The following PPP2R2B variants were observed in gnomAD, a reference collection of about 807,000 sequenced individuals.
PPP2R2B encodes protein phosphatase 2 regulatory subunit Bbeta, also known as serine/threonine-protein phosphatase 2A 55 kDa regulatory subunit B beta isoform.
A neutral mutation model predicts 46.0 loss-of-function variants in PPP2R2B; 5 were observed. The ratio of observed to expected loss-of-function variants is 0.11; its 90% CI spans 0.06 to 0.23. The LOEUF (loss-of-function observed/expected upper bound fraction) is 0.23, where lower values mean the gene tolerates loss of function less well. PPP2R2B is among the 10% of genes least tolerant of loss of function. PPP2R2B has a pLI of 1.00. For synonymous variants in PPP2R2B, 215 were observed against 206.7 expected, an observed-to-expected ratio of 1.04 and a Z score of -0.34; for missense variants, 367 against 575.0, an observed-to-expected ratio of 0.64 and a Z score of 3.70.
chr5:146,713,028 T>C lies in PPP2R2B; in HGVS notation c.71-11886A>G, dbSNP rs545948874. ...GTTGTGGAGAAAAGAAAATCATCAA[T>C]GAACATATTAAATTACATTGTATGT... On this transcript the variant is annotated intron_variant, in intron 2 of 9. Transcript: ENST00000394411. Among the ~76,000 whole-genome samples the C allele has an allele frequency of 3.9e-5, 6 of 152,298 alleles. No individual in the cohort carries two copies. The South Asian group carries it at 1.2e-3, about 32-fold the overall frequency.
intron 8 of PPP2R2B, among the ~76,000 whole-genome samples, chr5:146,598,212 A>G (rs1266267285): frequency 6.6e-6 from 1 of 152,194 alleles, no homozygotes; most frequent in Non-Finnish European, 1.5e-5. Context: ...ATCTCCACTT[A>G]CTAAATCCAA....
At chr5:146,750,977 C>G (rs1753520556) in intron 2 of PPP2R2B, among the ~76,000 whole-genome samples, 1 of 152,146 alleles carries the variant, frequency 6.6e-6, no homozygotes, top group Non-Finnish European at 1.5e-5. Flanking sequence ...CTGTTCTGCT[C>G]TCAACAGTAG....
chr5:146,830,593 T>G (rs1305329228), intron 2 of PPP2R2B, among the ~76,000 whole-genome samples: 1 of 151,884 alleles, frequency 6.6e-6, no homozygotes, highest in Admixed American at 6.6e-5. Flanking sequence ...GGCATGATCT[T>G]GGCTCACTGC....
chr5:146,915,406 C>T (rs1472311926), intron 1 of PPP2R2B, among the ~76,000 whole-genome samples: 2 of 151,716 alleles, frequency 1.3e-5, no homozygotes, highest in Non-Finnish European at 2.9e-5. Flanking sequence ...CATCATCTTC[C>T]CCTCCTACTC....
At chr5:146,714,048 G>T (rs1349392204) in intron 2 of PPP2R2B, among the ~76,000 whole-genome samples, 1 of 152,008 alleles carries the variant, frequency 6.6e-6, no homozygotes. Context: ...ACCAAGAGCT[G>T]AACAGTAGGG....
chr5:146,661,552 A>G (rs2151108576), intron 5 of PPP2R2B, among the ~76,000 whole-genome samples: 1 of 152,330 alleles, frequency 6.6e-6, no homozygotes, highest in East Asian at 1.9e-4. Flanking sequence ...CTGTAAGAAT[A>G]ATAAATGCAT....
intron 9 of PPP2R2B, chr5:146,591,926 C>T (rs77806345): frequency 0.012 from 2,898 of 239,418 alleles, 68 homozygotes; most frequent in African/African-American, 0.064. Flanking sequence ...ATGATGTGTA[C>T]GAATGTGTTT....
chr5:146,602,680 C>T (rs945229974), intron 7 of PPP2R2B, among the ~76,000 whole-genome samples: 6 of 152,080 alleles, frequency 3.9e-5, no homozygotes, highest in Non-Finnish European at 1.5e-5. Flanking sequence ...TAAGCCAAAA[C>T]GTTAATTTTC....
chr5:146,999,024 A>AG (rs1413812100), intron 1 of PPP2R2B, among the ~76,000 whole-genome samples: 1 of 151,340 alleles, frequency 6.6e-6, no homozygotes, highest in Non-Finnish European at 1.5e-5. Context: ...AAAAAAAAAA[A>AG]AAAAAAAAAA....
At chr5:146,644,931 C>T (rs764323560) in intron 6 of PPP2R2B, among the ~76,000 whole-genome samples, 10 of 152,122 alleles carry the variant, frequency 6.6e-5, no homozygotes, top group Non-Finnish European at 1.0e-4. Flanking sequence ...TACTGACATG[C>T]GTATTTCCCC....
At chr5:146,695,491 T>C (rs1779126777) in intron 4 of PPP2R2B, among the ~76,000 whole-genome samples, 1 of 152,224 alleles carries the variant, frequency 6.6e-6, no homozygotes, top group South Asian at 2.1e-4. Context: ...AAATATATTC[T>C]AGCAGAAAGT....
rs1760059520 is a variant in PPP2R2B, at chr5:146,847,172, A to T, written c.70+30830T>A. 2.0e-5 allele frequency among the ~76,000 whole-genome samples: 3 copies of T among 152,100 alleles called. No individual in the cohort carries two copies. In the South Asian group the frequency reaches 6.2e-4, roughly 32 times the overall value. On this transcript the variant is annotated intron_variant, in intron 2 of 9. Transcript: ENST00000394411. The stretch of plus-strand genomic sequence containing the variant: ...CTAACTGGTCTTCTACCTCTATCTC[A>T]TTGTTTTCCAACAATAGACAGTGTA...
intron 5 of PPP2R2B, among the ~76,000 whole-genome samples, chr5:146,660,550 G>C (rs916025659): frequency 3.9e-5 from 6 of 152,030 alleles, no homozygotes; most frequent in Non-Finnish European, 8.8e-5. Flanking sequence ...GGCTTACAGC[G>C]ACATATCAGA....
intron 2 of PPP2R2B, chr5:146,856,463 A>G: frequency 6.8e-7 from 1 of 1,470,164 alleles, no homozygotes; most frequent in Non-Finnish European, 9.5e-7. Flanking sequence ...CTGCTACTTT[A>G]TCAAGAAGAG....
intron 1 of PPP2R2B, among the ~76,000 whole-genome samples, chr5:146,937,728 G>A (rs1040137799): frequency 6.6e-6 from 1 of 152,040 alleles, no homozygotes; most frequent in Non-Finnish European, 1.5e-5. Context: ...GCTGCAGGTC[G>A]CTCGGTACAG....
At chr5:146,625,168 T>C (rs1470782208) in intron 7 of PPP2R2B, among the ~76,000 whole-genome samples, 1 of 152,266 alleles carries the variant, frequency 6.6e-6, no homozygotes, top group Non-Finnish European at 1.5e-5. Flanking sequence ...ACTTATGTTC[T>C]AGTTTTCCAA....
At chr5:147,068,802 C>T (rs1352109283) in intron 2 of PPP2R2B, among the ~76,000 whole-genome samples, 2 of 152,162 alleles carry the variant, frequency 1.3e-5, no homozygotes, top group East Asian at 3.9e-4. Context: ...GAAATCATTA[C>T]TGCTTGAATA....
At chr5:146,929,631 G>GA (rs1297241005) in intron 1 of PPP2R2B, among the ~76,000 whole-genome samples, 1 of 151,756 alleles carries the variant, frequency 6.6e-6, no homozygotes, top group East Asian at 1.9e-4. Flanking sequence ...AGTCCTACAG[G>GA]AAAAAAATGG....
Position 146,583,093 on chromosome 5 carries a change from G to C in PPP2R2B, c.*6854C>G, listed in dbSNP as rs1288135848. The C allele has an allele frequency of 1.3e-5, 2 of 152,092 alleles. No individual in the cohort carries two copies. Among genetic ancestry groups the C allele is most frequent in the Non-Finnish European group, 2.9e-5 (2 of 68,026 alleles). The allele number at this position is 152,092 out of a possible 1,614,324, so 9.4% of individuals were successfully genotyped here. ...ATTCCATATATATATAGCATATGCTGTTTTGCCTCCACTGTCCTATCCTGA... is the reference window on the plus strand; with the variant it reads ...ATTCCATATATATATAGCATATGCTCTTTTGCCTCCACTGTCCTATCCTGA... On this transcript the variant is annotated 3_prime_UTR_variant, in exon 10 of 10. Transcript: ENST00000394411.
Sources: gnomAD v4.1 joint callset for allele counts (sites outside exome capture counted in the v4.1 genomes callset) on GRCh38, gnomAD v4.1.1 for gene constraint, MANE v1.5 for transcripts, NCBI Gene and HGNC (gene_info 2026-07-23, HGNC 2026-07-21) for gene names.